THAP4: variants seen among roughly 807,000 people sequenced by gnomAD.
THAP4 encodes peroxynitrite isomerase THAP4.
Under a neutral mutation model 48.1 loss-of-function variants are expected in THAP4, and 18 were observed. The ratio of observed to expected loss-of-function variants is 0.37; its 90% confidence interval spans 0.26 to 0.56. The LOEUF (loss-of-function observed/expected upper bound fraction) is 0.56. Ranked by LOEUF, THAP4 falls within the 20% of genes least tolerant of loss-of-function variation. The pLI is 0.78. For missense variants in THAP4, 656 were observed against 774.9 expected (o/e 0.85, Z 1.82); for synonymous variants, 345 against 324.9 (o/e 1.06, Z -0.66).
Position 241,594,826 on chromosome 2 carries a change from C to T in THAP4, c.1614+7070G>A, listed in dbSNP as rs183156790. 5.7e-3 allele frequency: 996 copies of T among 174,416 alleles called. 12 individuals carry two copies. Among genetic ancestry groups the T allele is most frequent in the African/African-American group, 0.02 (857 of 41,814 alleles). The allele number at this position is 174,416 out of a possible 1,614,324, so 10.8% of individuals were successfully genotyped here. A position where few individuals can be genotyped will look rare whatever the true frequency, so the allele number is the denominator to read the frequency against. On this transcript the variant is annotated intron_variant, in intron 5 of 5. Transcript: ENST00000407315. ...GTGTGGTGGTGCGCATTCGCAGTCC[C>T]AGCTACTGAGGAGGCTGAGGTGGGA...
At chr2:241,593,965 G>A (rs1257832260) in intron 5 of THAP4, among the ~76,000 whole-genome samples, 1 of 152,162 alleles carries the variant, frequency 6.6e-6, no homozygotes, top group East Asian at 1.9e-4. Context: ...GATTACACGT[G>A]TGAGCCACCA....
chr2:241,614,108 C>T (rs926699317), intron 2 of THAP4, among the ~76,000 whole-genome samples: 4 of 150,612 alleles, frequency 2.7e-5, no homozygotes, highest in Admixed American at 6.6e-5. Flanking sequence ...GAGCCAAGAT[C>T]GCGCCACTGC....
intron 1 of THAP4, among the ~76,000 whole-genome samples, chr2:241,635,465 T>C (rs766148343): frequency 3.9e-5 from 6 of 152,204 alleles, no homozygotes; most frequent in Non-Finnish European, 7.3e-5. Context: ...TTTAAGAACA[T>C]AGGCCTGGGC....
At chr2:241,628,741 A>AC (rs1553560600) in intron 2 of THAP4, among the ~76,000 whole-genome samples, 3 of 151,066 alleles carry the variant, frequency 2.0e-5, no homozygotes, top group East Asian at 3.9e-4. Context: ...CTCTACAAAA[A>AC]AAAAAACAAA....
intron 5 of THAP4, among the ~76,000 whole-genome samples, chr2:241,589,018 C>A (rs1231371990): frequency 1.3e-5 from 2 of 152,044 alleles, no homozygotes; most frequent in Admixed American, 1.3e-4. Context: ...TCGAGACCGG[C>A]CTGGCCAACA....
At chr2:241,628,332 C>G (rs552244415) in intron 2 of THAP4, among the ~76,000 whole-genome samples, 1 of 151,922 alleles carries the variant, frequency 6.6e-6, no homozygotes, top group African/African-American at 2.4e-5. Context: ...CCTCCACCCC[C>G]ACACTCACAT....
At position 241,612,231 on chromosome 2, in the gene THAP4, C is replaced by T. The variant is rs985996736; in HGVS notation, c.1241-5758G>A. Among the ~76,000 whole-genome samples, 2 of 151,704 alleles carry T rather than the reference C, an allele frequency of 1.3e-5. No homozygotes were observed. Among genetic ancestry groups the T allele is most frequent in the African/African-American group, 2.4e-5 (1 of 41,262 alleles). On this transcript the variant is annotated intron_variant, in intron 2 of 5. Transcript: ENST00000407315. This position sits in a 1 kb window ranked among gnomAD's most constrained non-coding sequence, Gnocchi z 4.1. ...GAGAAACAAACACCGGGAAACACAG[C>T]GGAACACAGAGGACAGAAATGAGTT...
upstream of THAP4, chr2:241,637,407 T>C: frequency 6.9e-7 from 1 of 1,445,382 alleles, no homozygotes; most frequent in Non-Finnish European, 9.1e-7. Flanking sequence ...CTCTGCCGCC[T>C]CGACAACTGC....
rs1441595819 is a variant in THAP4 at position 241,603,448 on chromosome 2, C to T, written c.1401-369G>A. Among the ~76,000 whole-genome samples, 31 of 142,256 alleles carry T rather than the reference C, an allele frequency of 2.2e-4. 1 individual carries two copies. Among genetic ancestry groups the T allele is most frequent in the African/African-American group, 6.4e-4 (26 of 40,582 alleles). The allele number at this position is 142,256 out of a possible 152,430, so 93.3% of individuals were successfully genotyped here. A position where few individuals can be genotyped will look rare whatever the true frequency, so the allele number is the denominator to read the frequency against. On this transcript the variant is annotated intron_variant, in intron 3 of 5. Transcript: ENST00000407315. The stretch of plus-strand genomic sequence containing the variant: ...GCTCATTTTGGCTGTGTCTGTCTTA[C>T]CTGCTGACCCTCAGCTCCTGAAGAC...
intron 2 of THAP4, among the ~76,000 whole-genome samples, chr2:241,620,366 G>C (rs1242638114): frequency 2.5e-5 from 3 of 122,114 alleles, no homozygotes; most frequent in Non-Finnish European, 1.7e-5. Context: ...GAGTCGGTGA[G>C]TGAGGGGTGA....
At chr2:241,604,272 C>A (rs1303034052) in intron 3 of THAP4, among the ~76,000 whole-genome samples, 1 of 151,284 alleles carries the variant, frequency 6.6e-6, no homozygotes, top group African/African-American at 2.4e-5. Flanking sequence ...TTTTTTGAGA[C>A]AGAGTTTCTC....
At chr2:241,623,067 T>G (rs1166647949) in intron 2 of THAP4, among the ~76,000 whole-genome samples, 1 of 151,412 alleles carries the variant, frequency 6.6e-6, no homozygotes, top group Non-Finnish European at 1.5e-5. Flanking sequence ...AATACAAAAA[T>G]TAGCTGGGTG....
At chr2:241,605,958 C>A (rs2067178242) in intron 3 of THAP4, among the ~76,000 whole-genome samples, 1 of 152,210 alleles carries the variant, frequency 6.6e-6, no homozygotes, top group African/African-American at 2.4e-5. Context: ...AAGCAATCCT[C>A]CTGACTCAGC....
intron 2 of THAP4, among the ~76,000 whole-genome samples, chr2:241,623,649 G>A (rs1205366193): frequency 2.6e-5 from 4 of 151,456 alleles, no homozygotes; most frequent in Non-Finnish European, 2.9e-5. Context: ...AAAAAAGAAG[G>A]GAGGGGGTCA....
Position 241,590,143 on chromosome 2 carries a change from CTGA to C in THAP4, c.1615-5421_1615-5419del, listed in dbSNP as rs1370913230. Among the ~76,000 whole-genome samples the C allele has an allele frequency of 2.1e-4, 31 of 146,784 alleles. 1 individual carries two copies. Among genetic ancestry groups the C allele is most frequent in the Admixed American group, 1.7e-3 (25 of 14,514 alleles). On this transcript the variant is annotated intron_variant, in intron 5 of 5. Transcript: ENST00000407315. ...CACTAGGACACTCAGAGCTGCTCGG[CTGA>C]TGATAATGGGCACTAGGACACTCAG...
intron 5 of THAP4, among the ~76,000 whole-genome samples, chr2:241,588,745 G>GACT (rs1168301827): frequency 2.6e-5 from 4 of 152,156 alleles, no homozygotes; most frequent in African/African-American, 9.7e-5. Flanking sequence ...GAAAAAACGT[G>GACT]ACTACTACCT....
intron 2 of THAP4, 80 bp downstream of exon 2, chr2:241,632,837 C>A: frequency 8.6e-7 from 1 of 1,163,138 alleles, no homozygotes; most frequent in Non-Finnish European, 1.2e-6. Context: ...CCCAGAAATG[C>A]TCAGGGGACG....
chr2:241,623,245 CA>C (rs1395613660), intron 2 of THAP4, among the ~76,000 whole-genome samples: 1 of 151,366 alleles, frequency 6.6e-6, no homozygotes, highest in African/African-American at 2.4e-5. Context: ...AATAAAACAA[CA>C]ACAAAAAAAC....
intron 5 of THAP4, among the ~76,000 whole-genome samples, chr2:241,585,912 CAAA>C (rs1175852721): frequency 3.5e-5 from 1 of 28,290 alleles, no homozygotes; most frequent in Admixed American, 4.0e-4. Flanking sequence ...GACTCCTTCT[CAAA>C]AAAAAAAAAA....
Sources: allele counts gnomAD v4.1 joint callset (sites outside exome capture counted in the v4.1 genomes callset), GRCh38; gene constraint gnomAD v4.1.1; non-coding constraint Gnocchi (gnomAD v3.1); transcripts MANE v1.5; gene names NCBI Gene and HGNC (gene_info 2026-07-23, HGNC 2026-07-21).